Variants in INTS2 observed in about 807,000 individuals in gnomAD.
The protein encoded by INTS2 is KIAA1287.
A neutral mutation model predicts 139.6 loss-of-function variants in INTS2; 57 were observed. The ratio of observed to expected loss-of-function variants is 0.41; its 90% CI spans 0.33 to 0.51. The LOEUF (loss-of-function observed/expected upper bound fraction) is 0.51. INTS2 is among the 20% of genes least tolerant of loss of function. The pLI is 0.28. For synonymous variants in INTS2, 473 were observed against 493.4 expected (o/e 0.96, Z 0.55); for missense variants, 1,196 against 1,436.7 (o/e 0.83, Z 2.71).
chr17:61,900,277 T>G (rs984599364), intron 9 of INTS2, among the ~76,000 whole-genome samples: 13 of 152,114 alleles, frequency 8.5e-5, no homozygotes, highest in African/African-American at 3.1e-4. Context: ...CAGACTAAAA[T>G]TAAGAGGTTG....
Position 61,869,084 on chromosome 17 carries a change from G to T in INTS2, c.3194C>A (p.Ser1065Ter). The T allele has an allele frequency of 6.2e-7, 1 of 1,612,972 alleles. No individual in the cohort carries two copies. The highest frequency in any genetic ancestry group is 1.1e-5 in the South Asian group (1 of 90,982). Residue 1065 changes from serine (S) to a stop codon, truncating the protein, a stop_gained, in exon 23 of 25, where the codon TCA (serine) becomes TAA (stop). Coordinates refer to ENST00000251334, the MANE Select transcript of INTS2 (RefSeq NM_001351695.2). LOFTEE classifies it high-confidence loss of function. This position sits in a 1 kb window ranked among gnomAD's most constrained non-coding sequence, Gnocchi z 5.4. Reference sequence around the variant, plus strand: ...GACAGCTAAACGAGCCACACTAAGTGACTTTGGTAATGCATATTGTATACA... The same window carrying T: ...GACAGCTAAACGAGCCACACTAAGTTACTTTGGTAATGCATATTGTATACA... ...HLCIQYALPK[S>*]LSVARLAVNV...
At position 61,866,826 on chromosome 17, in the gene INTS2, T is replaced by C. The variant is rs1005223094; in HGVS notation, c.*731A>G. 8 of 152,238 alleles carry C rather than the reference T, an allele frequency of 5.3e-5. No individual in the cohort carries two copies. Among genetic ancestry groups the C allele is most frequent in the Non-Finnish European group, 7.3e-5 (5 of 68,042 alleles). The allele number at this position is 152,238 out of a possible 1,614,324, so 9.4% of individuals were successfully genotyped here. A position where few individuals can be genotyped will look rare whatever the true frequency, so the allele number is the denominator to read the frequency against. ...AGGTTCTTCTTTGAACAAAGATGTT[T>C]CTGTAAACACTTTTACACCAGTATC... On this transcript the variant is annotated 3_prime_UTR_variant, in exon 25 of 25. Coordinates refer to ENST00000251334, the MANE Select transcript of INTS2 (RefSeq NM_001351695.2).
At position 61,868,310 on chromosome 17, in the gene INTS2, A is replaced by G. The variant is rs1005928696; in HGVS notation, c.3245-301T>C. Reference sequence around the variant, plus strand: ...TATATATGAGAAAACTCTTAAAAAAAGGTTAGAGAGGTTAAGAAACTTGTT... The same window carrying G: ...TATATATGAGAAAACTCTTAAAAAAGGGTTAGAGAGGTTAAGAAACTTGTT... On this transcript the variant is annotated intron_variant, in intron 23 of 24. Transcript: ENST00000251334. The surrounding 1 kb of genome is among the most constrained non-coding windows in gnomAD (Gnocchi z 4.7). Among the ~76,000 whole-genome samples, 9 of 152,276 alleles carry G rather than the reference A, an allele frequency of 5.9e-5. No homozygotes were observed. The East Asian group carries it at 1.7e-3, about 29-fold the overall frequency.
In INTS2 at chr17:61,897,504, T is replaced by C. The variant is rs1241068342; in HGVS notation, c.1459A>G (p.Ile487Val). 3 of 1,599,956 alleles carry C rather than the reference T, an allele frequency of 1.9e-6. No individual in the cohort carries two copies. Among genetic ancestry groups the C allele is most frequent in the South Asian group, 1.1e-5 (1 of 87,760 alleles). Reference protein sequence around the residue: ...MYFHSNQLSAIIDLVCSTLGM... With the variant: ...MYFHSNQLSAVIDLVCSTLGM... ...AAAGTGGAACAGACCAAGTCAATGA[T>C]AGCACTAAGCTGGTTGCTGTGAAAG... Residue 487 changes from isoleucine (I) to valine (V), a missense_variant, in exon 11 of 25, where the codon ATC (isoleucine) becomes GTC (valine). By Grantham distance (29) the Ile-to-Val change is conservative. Transcript: ENST00000251334. This position sits in a 1 kb window ranked among gnomAD's most constrained non-coding sequence, Gnocchi z 4.4.
rs1261273576 is a variant in INTS2, at chr17:61,876,617, AT to A, written c.2456+1269del. Among the ~76,000 whole-genome samples the A allele has an allele frequency of 6.6e-6, 1 of 151,958 alleles. No individual in the cohort carries two copies. Among genetic ancestry groups the A allele is most frequent in the Non-Finnish European group, 1.5e-5 (1 of 67,968 alleles). Reference sequence around the variant, plus strand: ...ACCACCATGCCCTGCTAATTTTTGTATTTTTTGTAGAGACGGGGTTTCACCA... The same window carrying A: ...ACCACCATGCCCTGCTAATTTTTGTATTTTTGTAGAGACGGGGTTTCACCA... On this transcript the variant is annotated intron_variant, in intron 18 of 24. Transcript: ENST00000251334. This position sits in a 1 kb window ranked among gnomAD's most constrained non-coding sequence, Gnocchi z 4.1.
At chr17:61,902,209 G>C (rs1310045591) in intron 9 of INTS2, among the ~76,000 whole-genome samples, 3 of 152,086 alleles carry the variant, frequency 2.0e-5, no homozygotes, top group African/African-American at 7.2e-5. Flanking sequence ...GCCTTAGCCT[G>C]AGTCTCTTTT....
At chr17:61,878,332 G>A (rs2079144368) in intron 17 of INTS2, among the ~76,000 whole-genome samples, 1 of 152,140 alleles carries the variant, frequency 6.6e-6, no homozygotes, top group South Asian at 2.1e-4. Flanking sequence ...GGAGGCCAAG[G>A]CGGGTGGATC....
In INTS2 at chr17:61,866,948, G is replaced by A. The variant is rs1211909619; in HGVS notation, c.*609C>T. 1 of 152,050 alleles carries A rather than the reference G, an allele frequency of 6.6e-6. No individual in the cohort carries two copies. The highest frequency in any genetic ancestry group is 1.5e-5 in the Non-Finnish European group (1 of 67,990). The allele number at this position is 152,050 out of a possible 1,614,324, so 9.4% of individuals were successfully genotyped here. On this transcript the variant is annotated 3_prime_UTR_variant, in exon 25 of 25. Transcript: ENST00000251334. ...ATGTGAAATCTTTAAATCCTCATCT[G>A]TATTTCCACAGAAATCATTTACAAA...
rs576575573 is a variant in INTS2 at position 61,874,981 on chromosome 17, T to C, written c.2514A>G (p.Gln838=). The change falls in exon 19 of 25, where the codon CAA becomes CAG. Residue 838 remains glutamine (Q), a synonymous_variant. Transcript: ENST00000251334. ...TCATCAGGTCATTCTGAGTATACTT[T>C]TGTTGTCGTACAAACTTTATTGAAG... ...LQPSIKFVRQ[Q]KYTQNDLMID... is the part of the protein sequence containing the mutation. The C allele has an allele frequency of 2.9e-5, 46 of 1,598,016 alleles. No homozygotes were observed. Among genetic ancestry groups the C allele is most frequent in the Non-Finnish European group, 3.7e-5 (43 of 1,171,190 alleles).
In INTS2 at chr17:61,875,457, A is replaced by G. The variant is rs1323218230; in HGVS notation, c.2457-419T>C. 5.3e-5 allele frequency among the ~76,000 whole-genome samples: 8 copies of G among 152,252 alleles called. No homozygotes were observed. The highest frequency in any genetic ancestry group is 4.6e-4 in the Admixed American group (7 of 15,288). On this transcript the variant is annotated intron_variant, in intron 18 of 24. Transcript: ENST00000251334. This position sits in a 1 kb window ranked among gnomAD's most constrained non-coding sequence, Gnocchi z 4.6. ...ACATTCTGTATCTAGTTCCATAAAT[A>G]TAAGTCACTATTCTGGATTTATCAT...
rs916798675 is a variant in INTS2, at chr17:61,878,236, A to G, written c.2255-148T>C. 33 of 610,916 alleles carry G rather than the reference A, an allele frequency of 5.4e-5. No homozygotes were observed. The South Asian group carries it at 5.8e-4, about 11-fold the overall frequency. The allele number at this position is 610,916 out of a possible 1,614,324, so 37.8% of individuals were successfully genotyped here. ...ATAGTTACTTGCTATTGTTTCCTAC[A>G]GAAACCTAGGTACAATTTCAACTAA... On this transcript the variant is annotated intron_variant, in intron 17 of 24. Transcript: ENST00000251334.
chr17:61,909,382 T>C lies in INTS2; in HGVS notation c.955-1748A>G, dbSNP rs2079499391. 6.6e-6 allele frequency among the ~76,000 whole-genome samples: 1 copy of C among 152,208 alleles called. No individual in the cohort carries two copies. Among genetic ancestry groups the C allele is most frequent in the African/African-American group, 2.4e-5 (1 of 41,462 alleles). On this transcript the variant is annotated intron_variant, in intron 7 of 24. Coordinates refer to ENST00000251334, the MANE Select transcript of INTS2 (RefSeq NM_001351695.2). This position sits in a 1 kb window ranked among gnomAD's most constrained non-coding sequence, Gnocchi z 4.9. ...CCTCAGCCTCCCAAAGTGCTGGGAT[T>C]ACAGGCGTAAGCCACCCCACCCAGC...
At position 61,901,659 on chromosome 17, in the gene INTS2, G is replaced by A. The variant is rs1464847582; in HGVS notation, c.1307+2801C>T. Among the ~76,000 whole-genome samples the A allele has an allele frequency of 2.3e-5, 3 of 132,510 alleles. No individual in the cohort carries two copies. The South Asian group carries it at 7.1e-4, about 31-fold the overall frequency. 86.9% of individuals were successfully genotyped at this position (132,510 alleles called of 152,430 possible). On this transcript the variant is annotated intron_variant, in intron 9 of 24. Coordinates refer to ENST00000251334, the MANE Select transcript of INTS2 (RefSeq NM_001351695.2). ...CTGTAGCCCAGGCTGGAGTGCAGTG[G>A]CGCAATCTCGGCTCACTGCAAGCTC... is the stretch of plus-strand genomic sequence containing the variant.
At chr17:61,916,732 G>T (rs2079586784) in intron 5 of INTS2, among the ~76,000 whole-genome samples, 2 of 152,068 alleles carry the variant, frequency 1.3e-5, no homozygotes, top group African/African-American at 4.8e-5. Flanking sequence ...TCTGGACACT[G>T]GCCTTGGCAA....
intron 13 of INTS2, among the ~76,000 whole-genome samples, chr17:61,892,770 C>G (rs536336887): frequency 6.6e-6 from 1 of 150,712 alleles, no homozygotes; most frequent in Non-Finnish European, 1.5e-5. Flanking sequence ...CATGGTGAAA[C>G]CCTGTCTCTA....
chr17:61,912,687 C>T (rs552441244), intron 5 of INTS2, among the ~76,000 whole-genome samples: 1 of 152,046 alleles, frequency 6.6e-6, no homozygotes, highest in Admixed American at 6.6e-5. Flanking sequence ...ACTCTAAACC[C>T]AGTTCAATGA....
chr17:61,875,574 G>A lies in INTS2; in HGVS notation c.2457-536C>T, dbSNP rs1001292490. Among the ~76,000 whole-genome samples, 2 of 152,022 alleles carry A rather than the reference G, an allele frequency of 1.3e-5. No individual in the cohort carries two copies. The highest frequency in any genetic ancestry group is 2.9e-5 in the Non-Finnish European group (2 of 68,028). On this transcript the variant is annotated intron_variant, in intron 18 of 24. Coordinates refer to ENST00000251334, the MANE Select transcript of INTS2 (RefSeq NM_001351695.2). The surrounding 1 kb of genome is among the most constrained non-coding windows in gnomAD (Gnocchi z 4.6). Reference sequence around the variant, plus strand: ...ATGACTGCACATCATAATTACTAAGGGTTATGCAAATACAGAAGGTACTTG... The same window carrying A: ...ATGACTGCACATCATAATTACTAAGAGTTATGCAAATACAGAAGGTACTTG...
At chr17:61,890,334 G>T (rs1206379519) in intron 14 of INTS2, among the ~76,000 whole-genome samples, 1 of 152,174 alleles carries the variant, frequency 6.6e-6, no homozygotes, top group African/African-American at 2.4e-5. Context: ...GAATGAGCCA[G>T]GAGCAGTGGC....
At chr17:61,911,023 C>T (rs1373780705) in intron 7 of INTS2, 1 of 154,178 alleles carries the variant, frequency 6.5e-6, no homozygotes, top group Non-Finnish European at 1.4e-5. Context: ...TTTGGGAAAA[C>T]ACAGTTAGTT....
Sources: gnomAD v4.1 joint callset for allele counts (sites outside exome capture counted in the v4.1 genomes callset) on GRCh38, gnomAD v4.1.1 for gene constraint, Gnocchi (gnomAD v3.1) non-coding constraint, MANE v1.5 for transcripts, NCBI Gene and HGNC (gene_info 2026-07-23, HGNC 2026-07-21) for gene names.